Variants in PPP1R9A observed in about 807,000 individuals in gnomAD.
PPP1R9A encodes neurabin-1.
A neutral mutation model predicts 141.9 loss-of-function variants in PPP1R9A; 59 were observed. The ratio of observed to expected loss-of-function variants is 0.42; its 90% confidence interval spans 0.34 to 0.52. The LOEUF (loss-of-function observed/expected upper bound fraction) is 0.52. Ranked by LOEUF, PPP1R9A falls within the 20% of genes least tolerant of loss-of-function variation. PPP1R9A has a pLI of 0.10. For missense variants in PPP1R9A, 1,444 were observed against 1,611.9 expected (o/e 0.90, Z 1.78); for synonymous variants, 500 against 569.7 (o/e 0.88, Z 1.74).
chr7:95,122,927 C>T (rs1822896225), intron 4 of PPP1R9A, among the ~76,000 whole-genome samples: 1 of 151,878 alleles, frequency 6.6e-6, no homozygotes, highest in South Asian at 2.1e-4. Context: ...AATAATGCTA[C>T]AGTTAGTATT....
chr7:95,262,356 C>T (rs1455928601), intron 12 of PPP1R9A, among the ~76,000 whole-genome samples: 1 of 152,066 alleles, frequency 6.6e-6, no homozygotes, highest in East Asian at 1.9e-4. Flanking sequence ...ATCTCTTTTC[C>T]ATCAGAATCT....
At chr7:95,002,503 A>T (rs1408963383) in intron 2 of PPP1R9A, among the ~76,000 whole-genome samples, 1 of 152,182 alleles carries the variant, frequency 6.6e-6, no homozygotes, top group Admixed American at 6.5e-5. Context: ...GAGGAAAGTC[A>T]AATTAGGGAT....
At chr7:95,173,070 C>A (rs1332707517) in intron 5 of PPP1R9A, among the ~76,000 whole-genome samples, 1 of 151,800 alleles carries the variant, frequency 6.6e-6, no homozygotes, top group Non-Finnish European at 1.5e-5. Context: ...TAAAAATTAA[C>A]TTAGAACTGA....
In PPP1R9A at chr7:95,254,390, G is replaced by A. The variant is rs148436588; in HGVS notation, c.2665+2260G>A. ...TTGATCCCTTGCTTCTGTTGCTAGG[G>A]AATGCTGAAATACTAGAGGTTTAGA... is the stretch of plus-strand genomic sequence containing the variant. On this transcript the variant is annotated intron_variant, in intron 12 of 19. Coordinates refer to ENST00000433360, the MANE Select transcript of PPP1R9A (RefSeq NM_001166160.2). Among the ~76,000 whole-genome samples, 423 of 152,288 alleles carry A rather than the reference G, an allele frequency of 2.8e-3. 2 individuals are homozygous for A. The highest frequency in any genetic ancestry group is 8.7e-3 in the African/African-American group (362 of 41,578).
Position 95,009,439 on chromosome 7 carries a change from G to A in PPP1R9A, c.1395+97931G>A, listed in dbSNP as rs191285260. On this transcript the variant is annotated intron_variant, in intron 2 of 19. Transcript: ENST00000433360. Reference sequence around the variant, plus strand: ...AACGTCTTCGCCATCAAGATGTGGCGGTTTCCTAATGCTACCAGTGGCTAG... The same window carrying A: ...AACGTCTTCGCCATCAAGATGTGGCAGTTTCCTAATGCTACCAGTGGCTAG... Among the ~76,000 whole-genome samples the A allele has an allele frequency of 1.1e-4, 17 of 152,278 alleles. No individual in the cohort carries two copies. The East Asian group carries it at 1.9e-3, about 17-fold the overall frequency.
intron 2 of PPP1R9A, 62 bp downstream of exon 2, chr7:94,911,570 T>C: frequency 7.6e-7 from 1 of 1,311,376 alleles, no homozygotes; most frequent in Non-Finnish European, 1.1e-6. Flanking sequence ...CCTAATTGTA[T>C]GTAGAATAGA....
Position 95,116,500 on chromosome 7 carries a change from A to C in PPP1R9A, c.1529-4212A>C, listed in dbSNP as rs566221749. ...TATTTACAGTAGCACCAAAACAACA[A>C]AATATTTATTACTAAGAAAAACATG... is the stretch of plus-strand genomic sequence containing the variant. On this transcript the variant is annotated intron_variant, in intron 3 of 19. Transcript: ENST00000433360. Among the ~76,000 whole-genome samples, 15 of 152,298 alleles carry C rather than the reference A, an allele frequency of 9.8e-5. No homozygotes were observed. In the South Asian group the frequency reaches 1.9e-3, roughly 19 times the overall value.
In PPP1R9A at chr7:95,293,034, TA is replaced by T. The variant is rs1806577365; in HGVS notation, c.*2732del. 1 of 152,144 alleles carries T rather than the reference TA, an allele frequency of 6.6e-6. No homozygotes were observed. The highest frequency in any genetic ancestry group is 1.5e-5 in the Non-Finnish European group (1 of 68,032). 9.4% of individuals were successfully genotyped at this position (152,144 alleles called of 1,614,324 possible). ...TATCAGAAAATGAACAAAAAGGGAATATCTGGTTGCTATGAACTGATTCCCT... is the reference window on the plus strand; with the variant it reads ...TATCAGAAAATGAACAAAAAGGGAATTCTGGTTGCTATGAACTGATTCCCT... On this transcript the variant is annotated 3_prime_UTR_variant, in exon 20 of 20. Transcript: ENST00000433360.
intron 2 of PPP1R9A, chr7:95,036,389 G>A (rs1389911962): frequency 6.6e-6 from 1 of 152,148 alleles, no homozygotes; most frequent in Non-Finnish European, 1.5e-5. Context: ...AGAATTTGAT[G>A]CTTATAAAAT....
chr7:95,215,706 AT>A (rs1231636660), intron 7 of PPP1R9A, among the ~76,000 whole-genome samples: 1 of 152,252 alleles, frequency 6.6e-6, no homozygotes, highest in East Asian at 1.9e-4. Context: ...TTTGATTTGC[AT>A]TTCTCTGATG....
intron 2 of PPP1R9A, among the ~76,000 whole-genome samples, chr7:94,941,325 G>A (rs773398309): frequency 2.6e-5 from 4 of 152,042 alleles, no homozygotes; most frequent in Non-Finnish European, 5.9e-5. Flanking sequence ...TAAGACAATT[G>A]CCTAAACCTC....
At chr7:95,066,728 G>A (rs138693674) in intron 2 of PPP1R9A, among the ~76,000 whole-genome samples, 3 of 152,226 alleles carry the variant, frequency 2.0e-5, no homozygotes, top group Non-Finnish European at 4.4e-5. Flanking sequence ...CAATCCAGGA[G>A]GTCCAACATC....
At chr7:95,137,060 A>T (rs1825782425) in intron 4 of PPP1R9A, among the ~76,000 whole-genome samples, 1 of 152,184 alleles carries the variant, frequency 6.6e-6, no homozygotes, top group African/African-American at 2.4e-5. Flanking sequence ...GCAAAGTTTC[A>T]TAAAAGATGC....
chr7:95,195,816 CAAAGTGAGAGGA>C (rs1032116052), intron 5 of PPP1R9A, among the ~76,000 whole-genome samples: 1 of 151,938 alleles, frequency 6.6e-6, no homozygotes, highest in Non-Finnish European at 1.5e-5. Context: ...TTTGGGGGGC[CAAAGTGAGAGGA>C]TCACTTGAGG....
At chr7:95,030,068 C>G (rs1807447503) in intron 2 of PPP1R9A, among the ~76,000 whole-genome samples, 1 of 152,120 alleles carries the variant, frequency 6.6e-6, no homozygotes, top group Admixed American at 6.6e-5. Context: ...GCCCTTTGAG[C>G]TCGTCCTTTA....
chr7:95,155,683 A>T (rs1829498534), intron 4 of PPP1R9A: 1 of 152,234 alleles, frequency 6.6e-6, no homozygotes, highest in South Asian at 2.1e-4. Context: ...ATATAAAAAG[A>T]AAATATATCA....
chr7:95,191,478 A>G (rs142780765), intron 5 of PPP1R9A, among the ~76,000 whole-genome samples: 1,967 of 152,232 alleles, frequency 0.013, 28 homozygotes, highest in African/African-American at 0.033. Context: ...GGAACATTCA[A>G]TGTCCTCCTA....
intron 2 of PPP1R9A, among the ~76,000 whole-genome samples, chr7:94,941,631 C>G (rs1164806129): frequency 1.3e-5 from 2 of 151,074 alleles, no homozygotes; most frequent in African/African-American, 4.9e-5. Flanking sequence ...TTGGCCTAGG[C>G]TGACCCGTTT....
At chr7:95,011,091 A>G (rs1322071329) in intron 2 of PPP1R9A, among the ~76,000 whole-genome samples, 1 of 152,186 alleles carries the variant, frequency 6.6e-6, no homozygotes, top group Non-Finnish European at 1.5e-5. Context: ...CTTTCTTTAA[A>G]GATATTTTTC....
Sources: allele counts gnomAD v4.1 joint callset (sites outside exome capture counted in the v4.1 genomes callset), GRCh38; gene constraint gnomAD v4.1.1; transcripts MANE v1.5; gene names NCBI Gene and HGNC (gene_info 2026-07-23, HGNC 2026-07-21).